SSTR4: variants seen among roughly 807,000 people sequenced by gnomAD.
The protein encoded by SSTR4 is somatostatin receptor type 4.
For synonymous variants in SSTR4, 272 were observed against 246.3 expected, an observed-to-expected ratio of 1.10 and a Z score of -0.98; for missense variants, 649 against 540.6, an observed-to-expected ratio of 1.20 and a Z score of -1.99.
rs1305647425 is a variant in SSTR4, at chr20:23,035,314, G to C, written c.-170G>C. The stretch of plus-strand genomic sequence containing the variant: ...GCCAGTCGGGCGCCCGCGCGGTGGG[G>C]CGCGCGGCGCGGGGATTGGCGGGCG... On this transcript the variant is annotated 5_prime_UTR_variant, in exon 1 of 1. Coordinates refer to ENST00000255008, the MANE Select transcript of SSTR4 (RefSeq NM_001052.4). 17 of 432,804 alleles carry C rather than the reference G, an allele frequency of 3.9e-5. No homozygotes were observed. Among genetic ancestry groups the C allele is most frequent in the Non-Finnish European group, 6.1e-5 (17 of 280,204 alleles). 26.8% of individuals were successfully genotyped at this position (432,804 alleles called of 1,614,324 possible).
In SSTR4 at chr20:23,037,731, G is replaced by A. The variant is rs940959661; in HGVS notation, c.*1081G>A. On this transcript the variant is annotated 3_prime_UTR_variant, in exon 1 of 1. Coordinates refer to ENST00000255008, the MANE Select transcript of SSTR4 (RefSeq NM_001052.4). ...ATTCTGCTTTCTGATAAAAGCAGGG[G>A]AGGGGACAAAGGAGAACTTGGAACA... is the stretch of plus-strand genomic sequence containing the variant. Among the ~76,000 whole-genome samples, 1 of 152,214 alleles carries A rather than the reference G, an allele frequency of 6.6e-6. No homozygotes were observed. Among genetic ancestry groups the A allele is most frequent in the Non-Finnish European group, 1.5e-5 (1 of 68,036 alleles).
chr20:23,035,826 G>A lies in SSTR4; in HGVS notation c.343G>A (p.Gly115Ser), dbSNP rs577382989. 2 of 1,591,358 alleles carry A rather than the reference G, an allele frequency of 1.3e-6. No homozygotes were observed. Among genetic ancestry groups the A allele is most frequent in the Middle Eastern group, 1.7e-4 (1 of 5,954 alleles). ...SSAALRHWPF[G>S]SVLCRAVLSV... The stretch of plus-strand genomic sequence containing the variant: ...GGCCGCCCTGCGCCACTGGCCCTTC[G>A]GCTCCGTGCTGTGCCGCGCGGTGCT... Residue 115 changes from glycine (G) to serine (S), a missense_variant, in exon 1 of 1, where the codon GGC becomes AGC. Physicochemically the swap from Gly to Ser is moderately conservative, Grantham distance 56. Coordinates refer to ENST00000255008, the MANE Select transcript of SSTR4 (RefSeq NM_001052.4).
Position 23,036,056 on chromosome 20 carries a change from C to G in SSTR4, c.573C>G (p.Arg191=), listed in dbSNP as rs771296894. Reference sequence around the variant, plus strand: ...TCTTCGCAGACACCAGACCGGCTCGCGGCGGCCAGGCCGTGGCCTGCAACC... The same window carrying G: ...TCTTCGCAGACACCAGACCGGCTCGGGGCGGCCAGGCCGTGGCCTGCAACC... ...IAIFADTRPA[R]GGQAVACNLQ... is the part of the protein sequence containing the mutation. Residue 191 remains arginine, a synonymous_variant, in exon 1 of 1, where the codon CGC becomes CGG. Coordinates refer to ENST00000255008, the MANE Select transcript of SSTR4 (RefSeq NM_001052.4). 1.6e-5 allele frequency: 26 copies of G among 1,579,140 alleles called. No individual in the cohort carries two copies. The highest frequency in any genetic ancestry group is 2.0e-5 in the Non-Finnish European group (23 of 1,169,382).
chr20:23,038,990 A>G lies in SSTR4; in HGVS notation c.*2340A>G, dbSNP rs2235952. On this transcript the variant is annotated 3_prime_UTR_variant, in exon 1 of 1. Coordinates refer to ENST00000255008, the MANE Select transcript of SSTR4 (RefSeq NM_001052.4). ...GTGTTTGGAGCCCATCAACAGTGCT[A>G]CCAGCTTTAGTTCCATCAACCCCAG... 73,232 of 151,984 alleles carry G rather than the reference A, an allele frequency of 0.48. 17,804 individuals are homozygous for G. Among genetic ancestry groups the G allele is most frequent in the South Asian group, 0.59 (2,855 of 4,826 alleles). The allele number at this position is 151,984 out of a possible 1,614,324, so 9.4% of individuals were successfully genotyped here.
rs769153673 is a variant in SSTR4, at chr20:23,036,554, AG to A, written c.1074del (p.Cys359AlafsTer112). 6.2e-7 allele frequency: 1 copy of A among 1,612,010 alleles called. No homozygotes were observed. The highest frequency in any genetic ancestry group is 1.3e-5 in the African/African-American group (1 of 75,022). On this transcript the variant is annotated frameshift_variant, in exon 1 of 1. Transcript: ENST00000255008. LOFTEE classifies it low-confidence loss of function (END_TRUNC). ...ATALKSKGGA[G>X]CMCPPLPCQQ... is the part of the protein sequence containing the mutation. ...CTGCTCTCAAGAGCAAAGGTGGGGCAGGGTGCATGTGCCCCCCACTCCCCTG... is the reference window on the plus strand; with the variant it reads ...CTGCTCTCAAGAGCAAAGGTGGGGCAGGTGCATGTGCCCCCCACTCCCCTG...
chr20:23,035,704 G>C lies in SSTR4; in HGVS notation c.221G>C (p.Arg74Pro), dbSNP rs201118880. ...GNALVIFVILRYAKMKTATNI... is the reference protein window; with the variant it reads ...GNALVIFVILPYAKMKTATNI... ...GCCCTGGTCATCTTCGTGATCCTTC[G>C]CTACGCCAAGATGAAGACGGCTACC... The change falls in exon 1 of 1, where the codon CGC becomes CCC. Residue 74 changes from arginine to proline, a missense_variant. Physicochemically the swap from Arg to Pro is moderately radical, Grantham distance 103 (BLOSUM62 -2). Transcript: ENST00000255008. 1 of 1,557,006 alleles carries C rather than the reference G, an allele frequency of 6.4e-7. No individual in the cohort carries two copies.
rs751965336 is a variant in SSTR4 at position 23,035,728 on chromosome 20, C to T, written c.245C>T (p.Thr82Ile). The T allele has an allele frequency of 3.2e-6, 5 of 1,574,424 alleles. No individual in the cohort carries two copies. The highest frequency in any genetic ancestry group is 4.3e-6 in the Non-Finnish European group (5 of 1,161,208). ...ILRYAKMKTA[T>I]NIYLLNLAVA... ...CGCTACGCCAAGATGAAGACGGCTA[C>T]CAACATCTACCTGCTCAACCTGGCC... The change falls in exon 1 of 1, where the codon ACC becomes ATC. Residue 82 changes from threonine (T) to isoleucine (I), a missense_variant. By Grantham distance (89) the Thr-to-Ile change is moderately conservative. Coordinates refer to ENST00000255008, the MANE Select transcript of SSTR4 (RefSeq NM_001052.4).
rs1984401186 is a variant in SSTR4 at position 23,038,997 on chromosome 20, T to G, written c.*2347T>G. On this transcript the variant is annotated 3_prime_UTR_variant, in exon 1 of 1. Transcript: ENST00000255008. ...GAGCCCATCAACAGTGCTACCAGCT[T>G]TAGTTCCATCAACCCCAGGCTTTTG... 1 of 152,244 alleles carries G rather than the reference T, an allele frequency of 6.6e-6. No individual in the cohort carries two copies. Among genetic ancestry groups the G allele is most frequent in the South Asian group, 2.1e-4 (1 of 4,832 alleles). 9.4% of individuals were successfully genotyped at this position (152,244 alleles called of 1,614,324 possible). A position where few individuals can be genotyped will look rare whatever the true frequency, so the allele number is the denominator to read the frequency against.
chr20:23,036,616 A>G lies in SSTR4; in HGVS notation c.1133A>G (p.Lys378Arg), dbSNP rs992599002. 3 of 1,570,162 alleles carry G rather than the reference A, an allele frequency of 1.9e-6. No homozygotes were observed. Among genetic ancestry groups the G allele is most frequent in the Admixed American group, 3.6e-5 (2 of 55,340 alleles). The change falls in exon 1 of 1, where the codon AAG becomes AGG. Residue 378 changes from lysine (K) to arginine (R), a missense_variant. Physicochemically the swap from Lys to Arg is conservative, Grantham distance 26. Coordinates refer to ENST00000255008, the MANE Select transcript of SSTR4 (RefSeq NM_001052.4). ...GCCCTGCAACCAGAACCCGGCCGCA[A>G]GCGCATCCCCCTCACCAGGACCACC... is the stretch of plus-strand genomic sequence containing the variant. ...QEALQPEPGR[K>R]RIPLTRTTTF
rs747599743 is a variant in SSTR4 at position 23,035,578 on chromosome 20, C to G, written c.95C>G (p.Ala32Gly). ...AANASSAPAEAEEAVAGPGDA... is the reference protein window; with the variant it reads ...AANASSAPAEGEEAVAGPGDA... ...AATGCCAGTAGCGCTCCGGCGGAGGCGGAGGAGGCGGTGGCGGGGCCCGGG... is the reference window on the plus strand; with the variant it reads ...AATGCCAGTAGCGCTCCGGCGGAGGGGGAGGAGGCGGTGGCGGGGCCCGGG... The change falls in exon 1 of 1, where the codon GCG (alanine) becomes GGG (glycine). Residue 32 changes from alanine to glycine, a missense_variant. Physicochemically the swap from Ala to Gly is moderately conservative, Grantham distance 60. Coordinates refer to ENST00000255008, the MANE Select transcript of SSTR4 (RefSeq NM_001052.4). 3.2e-6 allele frequency: 5 copies of G among 1,575,730 alleles called. No individual in the cohort carries two copies. Among genetic ancestry groups the G allele is most frequent in the East Asian group, 2.3e-5 (1 of 43,326 alleles).
chr20:23,036,177 C>G lies in SSTR4; in HGVS notation c.694C>G (p.Leu232Val). Residue 232 changes from leucine to valine, a missense_variant, in exon 1 of 1, where the codon CTG becomes GTG. Physicochemically the swap from Leu to Val is conservative, Grantham distance 32 (BLOSUM62 1). Transcript: ENST00000255008. The part of the protein sequence containing the change: ...LPVLAIGLCY[L>V]LIVGKMRAVA... ...CGTGCTGGCCATTGGCCTGTGCTAC[C>G]TGCTCATCGTGGGCAAGATGCGCGC... 6.2e-7 allele frequency: 1 copy of G among 1,611,136 alleles called. No individual in the cohort carries two copies. Among genetic ancestry groups the G allele is most frequent in the Non-Finnish European group, 8.5e-7 (1 of 1,179,746 alleles).
At position 23,037,832 on chromosome 20, in the gene SSTR4, A is replaced by G. The variant is rs1170213112; in HGVS notation, c.*1182A>G. On this transcript the variant is annotated 3_prime_UTR_variant, in exon 1 of 1. Transcript: ENST00000255008. ...GGACCCCACCTGGCTTAGCATTCAGAGACTACCTCTGGGTTTAACCGGCCT... is the reference window on the plus strand; with the variant it reads ...GGACCCCACCTGGCTTAGCATTCAGGGACTACCTCTGGGTTTAACCGGCCT... Among the ~76,000 whole-genome samples, 1 of 152,196 alleles carries G rather than the reference A, an allele frequency of 6.6e-6. No homozygotes were observed. The highest frequency in any genetic ancestry group is 1.5e-5 in the Non-Finnish European group (1 of 68,044).
chr20:23,035,625 G>A lies in SSTR4; in HGVS notation c.142G>A (p.Val48Ile), dbSNP rs971791472. 8.4e-6 allele frequency: 13 copies of A among 1,544,254 alleles called. No homozygotes were observed. The highest frequency in any genetic ancestry group is 1.8e-4 in the Middle Eastern group (1 of 5,680). The change falls in exon 1 of 1, where the codon GTC becomes ATC. Residue 48 changes from valine to isoleucine, a missense_variant. Transcript: ENST00000255008. ...CGGGGACGCGCGGGCGGCGGGCATG[G>A]TCGCTATCCAGTGCATCTACGCGCT... is the stretch of plus-strand genomic sequence containing the variant. ...GPGDARAAGM[V>I]AIQCIYALVC... is the part of the protein sequence containing the mutation.
chr20:23,036,801 C>T lies in SSTR4; in HGVS notation c.*151C>T. 1 of 859,348 alleles carries T rather than the reference C, an allele frequency of 1.2e-6. No individual in the cohort carries two copies. Among genetic ancestry groups the T allele is most frequent in the Non-Finnish European group, 1.8e-6 (1 of 570,756 alleles). 53.2% of individuals were successfully genotyped at this position (859,348 alleles called of 1,614,324 possible). A position where few individuals can be genotyped will look rare whatever the true frequency, so the allele number is the denominator to read the frequency against. On this transcript the variant is annotated 3_prime_UTR_variant, in exon 1 of 1. Coordinates refer to ENST00000255008, the MANE Select transcript of SSTR4 (RefSeq NM_001052.4). ...ATGTACCTGCCGGAGAGTGTCAGAACTCTTCTGCTGCTCTCCTCTCCCCTG... is the reference window on the plus strand; with the variant it reads ...ATGTACCTGCCGGAGAGTGTCAGAATTCTTCTGCTGCTCTCCTCTCCCCTG...
Position 23,035,537 on chromosome 20 carries a change from C to T in SSTR4, c.54C>T (p.Ala18=), listed in dbSNP as rs1423367578. ...PPGGEEGLGT[A]WPSAANASSA... Reference sequence around the variant, plus strand: ...GGGGCGAGGAAGGGCTGGGGACGGCCTGGCCCTCTGCAGCCAATGCCAGTA... The same window carrying T: ...GGGGCGAGGAAGGGCTGGGGACGGCTTGGCCCTCTGCAGCCAATGCCAGTA... The change falls in exon 1 of 1, where the codon GCC becomes GCT. Residue 18 remains alanine, a synonymous_variant. Transcript: ENST00000255008. 1.3e-6 allele frequency: 2 copies of T among 1,592,984 alleles called. No homozygotes were observed. Among genetic ancestry groups the T allele is most frequent in the Non-Finnish European group, 1.7e-6 (2 of 1,172,538 alleles).
Position 23,035,896 on chromosome 20 carries a change from C to G in SSTR4, c.413C>G (p.Thr138Ser), listed in dbSNP as rs753822169. ...ATGTTCACCAGCGTCTTCTGTCTCA[C>G]CGTGCTCAGCGTGGACCGCTACGTG... ...LNMFTSVFCLTVLSVDRYVAV... is the reference protein window; with the variant it reads ...LNMFTSVFCLSVLSVDRYVAV... Residue 138 changes from threonine (T) to serine (S), a missense_variant, in exon 1 of 1, where the codon ACC (threonine) becomes AGC (serine). By Grantham distance (58) the Thr-to-Ser change is moderately conservative. Transcript: ENST00000255008. 1 of 1,612,978 alleles carries G rather than the reference C, an allele frequency of 6.2e-7. No homozygotes were observed. The highest frequency in any genetic ancestry group is 8.5e-7 in the Non-Finnish European group (1 of 1,179,564).
chr20:23,035,972 C>G lies in SSTR4; in HGVS notation c.489C>G (p.Ala163=), dbSNP rs1984302603. ...RAATYRRPSV[A]KLINLGVWLA... Reference sequence around the variant, plus strand: ...CGACCTACCGGCGGCCCAGCGTGGCCAAGCTCATCAACCTGGGCGTGTGGC... The same window carrying G: ...CGACCTACCGGCGGCCCAGCGTGGCGAAGCTCATCAACCTGGGCGTGTGGC... Residue 163 remains alanine, a synonymous_variant, in exon 1 of 1, where the codon GCC becomes GCG. Coordinates refer to ENST00000255008, the MANE Select transcript of SSTR4 (RefSeq NM_001052.4). The G allele has an allele frequency of 4.4e-6, 7 of 1,605,802 alleles. No homozygotes were observed. Among genetic ancestry groups the G allele is most frequent in the Non-Finnish European group, 4.2e-6 (5 of 1,178,062 alleles).
rs1984272231 is a variant in SSTR4, at chr20:23,035,457, A to G, written c.-27A>G. The G allele has an allele frequency of 3.5e-6, 5 of 1,415,582 alleles. No homozygotes were observed. Among genetic ancestry groups the G allele is most frequent in the Non-Finnish European group, 4.6e-6 (5 of 1,093,834 alleles). The allele number at this position is 1,415,582 out of a possible 1,614,324, so 87.7% of individuals were successfully genotyped here. A position where few individuals can be genotyped will look rare whatever the true frequency, so the allele number is the denominator to read the frequency against. ...GCGCAGCGCTAGCTCCGCCGCGCTC[A>G]GCTGCCCTGCGCCGGCACCCCTGGT... is the stretch of plus-strand genomic sequence containing the variant. On this transcript the variant is annotated 5_prime_UTR_variant, in exon 1 of 1. Transcript: ENST00000255008.
Position 23,038,395 on chromosome 20 carries a change from A to T in SSTR4, c.*1745A>T, listed in dbSNP as rs1451129790. ...GGGTCCTTTCTTTAGTCTCTCAGTGATCAGACTGGGCAAACTCTCTGATAA... is the reference window on the plus strand; with the variant it reads ...GGGTCCTTTCTTTAGTCTCTCAGTGTTCAGACTGGGCAAACTCTCTGATAA... On this transcript the variant is annotated 3_prime_UTR_variant, in exon 1 of 1. Coordinates refer to ENST00000255008, the MANE Select transcript of SSTR4 (RefSeq NM_001052.4). The T allele has an allele frequency of 6.6e-6, 1 of 152,208 alleles. No homozygotes were observed. Among genetic ancestry groups the T allele is most frequent in the African/African-American group, 2.4e-5 (1 of 41,426 alleles). The allele number at this position is 152,208 out of a possible 1,614,324, so 9.4% of individuals were successfully genotyped here.
Sources: gnomAD v4.1 joint callset for allele counts (sites outside exome capture counted in the v4.1 genomes callset) on GRCh38, gnomAD v4.1.1 for gene constraint, MANE v1.5 for transcripts, NCBI Gene and HGNC (gene_info 2026-07-23, HGNC 2026-07-21) for gene names.